Variants in FAS observed in about 807,000 individuals in gnomAD.
FAS encodes the protein Fas cell surface death receptor.
A neutral mutation model predicts 33.2 loss-of-function variants in FAS; 5 were observed. The observed-to-expected ratio is 0.15, with a 90% confidence interval of 0.08 to 0.32. The LOEUF (loss-of-function observed/expected upper bound fraction) is 0.32. Among genes scored for constraint, FAS ranks in the 10% least tolerant of loss-of-function variants. FAS has a pLI of 1.00. For missense variants in FAS, 339 were observed against 386.0 expected (o/e 0.88, Z 1.02); for synonymous variants, 131 against 130.7 (o/e 1.00, Z -0.01).
upstream of FAS, among the ~76,000 whole-genome samples, chr10:88,987,949 G>GA (rs74263159): frequency 2.5e-4 from 36 of 142,716 alleles, no homozygotes; most frequent in Admixed American, 4.2e-4. Context: ...CCTTAAAAAA[G>GA]AAAAAAAAAA....
At chr10:88,994,778 C>A (rs1174740952) in intron 1 of FAS, among the ~76,000 whole-genome samples, 2 of 151,308 alleles carry the variant, frequency 1.3e-5, no homozygotes, top group African/African-American at 2.4e-5. Flanking sequence ...ATAGAGAGAG[C>A]ATTTATTAAA....
intron 2 of FAS, among the ~76,000 whole-genome samples, chr10:88,979,578 C>T (rs1846658797): frequency 6.6e-6 from 1 of 151,996 alleles, no homozygotes; most frequent in South Asian, 2.1e-4. Flanking sequence ...GCTGTTCTCT[C>T]TCACTCTCCC....
intron 1 of FAS, among the ~76,000 whole-genome samples, chr10:88,996,926 G>T (rs894659946): frequency 6.6e-6 from 1 of 152,068 alleles, no homozygotes; most frequent in African/African-American, 2.4e-5. Context: ...GCTTGTAAGG[G>T]CTCTGGGGCT....
chr10:89,004,430 A>G (rs1364467070), intron 2 of FAS, among the ~76,000 whole-genome samples: 1 of 152,062 alleles, frequency 6.6e-6, no homozygotes, highest in African/African-American at 2.4e-5. Flanking sequence ...TTAGTTACAT[A>G]TGTATACATG....
At chr10:88,978,309 T>G (rs867210336) in intron 2 of FAS, among the ~76,000 whole-genome samples, 22 of 141,998 alleles carry the variant, frequency 1.5e-4, no homozygotes, top group South Asian at 2.3e-4. Context: ...AGATGACGAG[T>G]TAGTGGGTGC....
At chr10:88,968,447 T>C (rs1457398506) in intron 1 of FAS, among the ~76,000 whole-genome samples, 1 of 152,184 alleles carries the variant, frequency 6.6e-6, no homozygotes, top group Non-Finnish European at 1.5e-5. Context: ...ATGACAACAA[T>C]AACTTTATCC....
At chr10:89,000,657 C>T (rs968326354) in intron 1 of FAS, among the ~76,000 whole-genome samples, 5 of 152,016 alleles carry the variant, frequency 3.3e-5, no homozygotes, top group Non-Finnish European at 7.4e-5. Context: ...TCTGGACCAC[C>T]GTTATACCCC....
chr10:89,001,520 C>T (rs913048104), intron 1 of FAS, among the ~76,000 whole-genome samples: 3 of 151,256 alleles, frequency 2.0e-5, no homozygotes, highest in Non-Finnish European at 4.4e-5. Flanking sequence ...TATTTGTAAC[C>T]GTCATGCTAG....
chr10:89,011,865 G>T (rs72552380), intron 6 of FAS, 134 bp from the exon 7 acceptor site: 2 of 790,726 alleles, frequency 2.5e-6, no homozygotes, highest in Non-Finnish European at 4.2e-6. Context: ...GGTCTCCTGC[G>T]ATGTTTGGCC....
chr10:88,974,861 T>TA (rs1846527977), intron 2 of FAS: 1 of 152,214 alleles, frequency 6.6e-6, no homozygotes, highest in South Asian at 2.1e-4. Flanking sequence ...GAGATCACTA[T>TA]AGTACTATAT....
chr10:88,987,075 A>G (rs547235194), upstream of FAS, among the ~76,000 whole-genome samples: 1 of 152,316 alleles, frequency 6.6e-6, no homozygotes, highest in African/African-American at 2.4e-5. Context: ...AAGAACCCAT[A>G]CATATTTCTA....
At chr10:88,993,792 T>TAA (rs5786849) in intron 1 of FAS, among the ~76,000 whole-genome samples, 86,973 of 151,878 alleles carry the variant, frequency 0.57, 26,223 homozygotes, top group African/African-American at 0.78. Flanking sequence ...CTAACGAACA[T>TAA]ATTGGGCTGT....
chr10:88,979,346 C>G (rs1352451422), intron 2 of FAS, among the ~76,000 whole-genome samples: 1 of 152,136 alleles, frequency 6.6e-6, no homozygotes, highest in Non-Finnish European at 1.5e-5. Flanking sequence ...GAAGGGAAGA[C>G]TTGTGGCTCA....
chr10:89,015,534 C>T lies in FAS; in HGVS notation c.*1084C>T, dbSNP rs1468063. ...TTTAGGAATTGCTCTTGTCATACCCCCAAGTTTCTAAGATTTAAGATTCTC... is the reference window on the plus strand; with the variant it reads ...TTTAGGAATTGCTCTTGTCATACCCTCAAGTTTCTAAGATTTAAGATTCTC... On this transcript the variant is annotated 3_prime_UTR_variant, in exon 9 of 9. Transcript: ENST00000652046. The T allele has an allele frequency of 0.15, 82,498 of 533,818 alleles. 8,367 individuals carry two copies. Among genetic ancestry groups the T allele is most frequent in the East Asian group, 0.45 (11,586 of 25,652 alleles). 33.1% of individuals were successfully genotyped at this position (533,818 alleles called of 1,614,324 possible).
upstream of FAS, among the ~76,000 whole-genome samples, chr10:88,990,248 G>A (rs1456472023): frequency 6.6e-6 from 1 of 152,194 alleles, no homozygotes; most frequent in East Asian, 1.9e-4. This position sits in a 1 kb window ranked among gnomAD's most constrained non-coding sequence, Gnocchi z 4.9. Context: ...AACATGGACA[G>A]CCCAGTCAAA....
upstream of FAS, among the ~76,000 whole-genome samples, chr10:88,983,540 A>G (rs1028027709): frequency 7.4e-6 from 1 of 134,306 alleles, no homozygotes; most frequent in Non-Finnish European, 1.5e-5. Context: ...TTTCTTTTCT[A>G]TAAAATAGGA....
Position 88,990,996 on chromosome 10 carries a change from G to A in FAS, c.30+90G>A, listed in dbSNP as rs1488183371. 5 of 1,567,302 alleles carry A rather than the reference G, an allele frequency of 3.2e-6. No homozygotes were observed. Among genetic ancestry groups the A allele is most frequent in the Non-Finnish European group, 4.4e-6 (5 of 1,142,352 alleles). On this transcript the variant is annotated intron_variant, in intron 1 of 8. Coordinates refer to ENST00000652046, the MANE Select transcript of FAS (RefSeq NM_000043.6). The surrounding 1 kb of genome is among the most constrained non-coding windows in gnomAD (Gnocchi z 4.9). ...GCGGGCGCGGGACGCGTGCGGGATT[G>A]CGGCGGCAGCGGCGCACGCGGGCAC...
chr10:88,995,573 C>T (rs1847535618), intron 1 of FAS, among the ~76,000 whole-genome samples: 1 of 152,150 alleles, frequency 6.6e-6, no homozygotes, highest in Non-Finnish European at 1.5e-5. Flanking sequence ...TGTCACCCAG[C>T]ACTTCAGGAG....
At chr10:88,999,708 C>T (rs183710268) in intron 1 of FAS, among the ~76,000 whole-genome samples, 3 of 152,252 alleles carry the variant, frequency 2.0e-5, no homozygotes, top group South Asian at 2.1e-4. Flanking sequence ...TTCTGAGAAA[C>T]ATATCTGTTT....
Sources: gnomAD v4.1 joint callset for allele counts (sites outside exome capture counted in the v4.1 genomes callset) on GRCh38, gnomAD v4.1.1 for gene constraint, Gnocchi (gnomAD v3.1) non-coding constraint, MANE v1.5 for transcripts, NCBI Gene and HGNC (gene_info 2026-07-23, HGNC 2026-07-21) for gene names.